The following PRR5 variants were observed in gnomAD, a reference collection of about 807,000 sequenced individuals.
The protein encoded by PRR5 is proline-rich protein 5.
A neutral mutation model predicts 30.6 loss-of-function variants in PRR5; 25 were observed. That is an observed-to-expected ratio of 0.82 (90% CI 0.60 to 1.14). The LOEUF (loss-of-function observed/expected upper bound fraction) is 1.14, where lower values mean the gene tolerates loss of function less well. Among genes scored for constraint, PRR5 ranks in the 50% most tolerant of loss-of-function variants. PRR5 has a pLI of 0.00. For synonymous variants in PRR5, 286 were observed against 247.1 expected (o/e 1.16, Z -1.48); for missense variants, 600 against 547.1 (o/e 1.10, Z -0.96).
intron 1 of PRR5, among the ~76,000 whole-genome samples, chr22:44,687,894 C>A (rs1278390067): frequency 6.6e-6 from 1 of 151,994 alleles, no homozygotes; most frequent in Non-Finnish European, 1.5e-5. Flanking sequence ...CCTGTCTCAG[C>A]CCCCCGAGTA....
chr22:44,730,162 G>A lies in PRR5; in HGVS notation c.323-1568G>A, dbSNP rs1024920677. 6.1e-6 allele frequency: 6 copies of A among 985,212 alleles called. No individual in the cohort carries two copies. The African/African-American group carries it at 1.0e-4, about 17-fold the overall frequency. 61.0% of individuals were successfully genotyped at this position (985,212 alleles called of 1,614,324 possible). A position where few individuals can be genotyped will look rare whatever the true frequency, so the allele number is the denominator to read the frequency against. ...ACCTACATGAAGCTGGGGGCTTCCG[G>A]GAGTGGGGGCAGGGCCCAGAGAGTG... On this transcript the variant is annotated intron_variant, in intron 4 of 7. Coordinates refer to ENST00000336985, the MANE Select transcript of PRR5 (RefSeq NM_181333.4).
intron 1 of PRR5, among the ~76,000 whole-genome samples, chr22:44,670,667 G>A (rs954641847): frequency 2.6e-5 from 4 of 152,260 alleles, no homozygotes; most frequent in Admixed American, 2.0e-4. Flanking sequence ...AGGGAAAGCA[G>A]CCTGTGCAGA....
chr22:44,689,573 C>A (rs1209346703), intron 1 of PRR5, among the ~76,000 whole-genome samples: 1 of 152,182 alleles, frequency 6.6e-6, no homozygotes, highest in South Asian at 2.1e-4. Flanking sequence ...CATTGGATTG[C>A]GCACCATGGA....
chr22:44,737,136 C>A lies in PRR5; in HGVS notation c.1056C>A (p.Ile352=). 1 of 1,612,688 alleles carries A rather than the reference C, an allele frequency of 6.2e-7. No individual in the cohort carries two copies. Among genetic ancestry groups the A allele is most frequent in the Admixed American group, 1.7e-5 (1 of 60,032 alleles). ...RSSPENLVDQ[I]LESVDSDSEG... is the part of the protein sequence containing the mutation. ...GCCCGGAGAACCTGGTGGACCAGAT[C>A]CTGGAGTCCGTGGACTCGGATTCTG... The change falls in exon 8 of 8, where the codon ATC becomes ATA. Residue 352 remains isoleucine (I), a synonymous_variant. Transcript: ENST00000336985.
intron 1 of PRR5, among the ~76,000 whole-genome samples, chr22:44,688,844 C>T (rs1416752714): frequency 9.9e-5 from 15 of 152,016 alleles, no homozygotes; most frequent in South Asian, 4.1e-4. Context: ...AAAAATTAGC[C>T]GGGCATGGTG....
intron 1 of PRR5, among the ~76,000 whole-genome samples, chr22:44,682,920 A>G (rs1157137212): frequency 6.6e-6 from 1 of 152,252 alleles, no homozygotes; most frequent in Non-Finnish European, 1.5e-5. Flanking sequence ...GGGCAGGGCT[A>G]CAGAGAAGAC....
chr22:44,732,996 GCA>G (rs1350350745), intron 6 of PRR5, among the ~76,000 whole-genome samples: 19 of 141,186 alleles, frequency 1.3e-4, no homozygotes, highest in South Asian at 4.8e-4. Context: ...ACATGTGCGC[GCA>G]CACATACTAC....
In PRR5 at chr22:44,717,900, A is replaced by G. The variant is rs572638001; in HGVS notation, c.215+3229A>G. ...CCGGCTAATTTTGTATTTTTAGTAGAGACGGGGTTTGTCCATGTTGGTCAG... is the reference window on the plus strand; with the variant it reads ...CCGGCTAATTTTGTATTTTTAGTAGGGACGGGGTTTGTCCATGTTGGTCAG... On this transcript the variant is annotated intron_variant, in intron 2 of 7. Transcript: ENST00000336985. Among the ~76,000 whole-genome samples the G allele has an allele frequency of 1.7e-4, 26 of 151,828 alleles. No homozygotes were observed. In the South Asian group the frequency reaches 1.9e-3, roughly 11 times the overall value.
In PRR5 at chr22:44,731,856, GC is replaced by G. The variant is rs773775615; in HGVS notation, c.414+39del. On this transcript the variant is annotated intron_variant, in intron 5 of 7. Coordinates refer to ENST00000336985, the MANE Select transcript of PRR5 (RefSeq NM_181333.4). ...CCAGCCCTGGGGAGGGAAGCCCAGTGCCCCTGCTGTGCCCACCCTGGCCTCA... is the reference window on the plus strand; with the variant it reads ...CCAGCCCTGGGGAGGGAAGCCCAGTGCCCTGCTGTGCCCACCCTGGCCTCA... 3.1e-6 allele frequency: 5 copies of G among 1,597,416 alleles called. No individual in the cohort carries two copies. The East Asian group carries it at 1.1e-4, about 36-fold the overall frequency.
At chr22:44,730,211 C>A (rs1921691716) in intron 4 of PRR5, 5 of 985,358 alleles carry the variant, frequency 5.1e-6, no homozygotes, top group South Asian at 9.4e-5. Flanking sequence ...GGTCCCTGTT[C>A]AGCCTCCGCA....
At chr22:44,727,960 A>G (rs529478075) in intron 4 of PRR5, among the ~76,000 whole-genome samples, 1 of 152,346 alleles carries the variant, frequency 6.6e-6, no homozygotes, top group South Asian at 2.1e-4. Flanking sequence ...TTGGCACCTG[A>G]CGAAGATGGC....
chr22:44,699,039 A>C (rs1926018947), upstream of PRR5, among the ~76,000 whole-genome samples: 1 of 152,050 alleles, frequency 6.6e-6, no homozygotes, highest in African/African-American at 2.4e-5. Flanking sequence ...GTGTAGACAG[A>C]TTTTACACAT....
upstream of PRR5, among the ~76,000 whole-genome samples, chr22:44,674,698 G>A (rs889614198): frequency 3.3e-5 from 5 of 151,422 alleles, no homozygotes; most frequent in East Asian, 3.9e-4. Flanking sequence ...CAGCCTGGGC[G>A]ACAGAGAGAG....
chr22:44,687,560 T>A (rs1037655455), intron 1 of PRR5, among the ~76,000 whole-genome samples: 2 of 152,162 alleles, frequency 1.3e-5, no homozygotes, highest in African/African-American at 4.8e-5. Context: ...CATCTCTTAT[T>A]GTCAGTGGGT....
upstream of PRR5, among the ~76,000 whole-genome samples, chr22:44,701,070 T>C (rs1926231851): frequency 6.6e-6 from 1 of 152,064 alleles, no homozygotes; most frequent in South Asian, 2.1e-4. Context: ...TTAATAGAGA[T>C]GGGGTTTCTC....
chr22:44,696,044 C>G (rs1176591258), intron 1 of PRR5, among the ~76,000 whole-genome samples: 1 of 150,792 alleles, frequency 6.6e-6, no homozygotes, highest in East Asian at 2.0e-4. Context: ...CTGCCTCAGC[C>G]TCCTGAGTAG....
At chr22:44,711,676 G>C (rs1205524302) in intron 1 of PRR5, among the ~76,000 whole-genome samples, 1 of 152,200 alleles carries the variant, frequency 6.6e-6, no homozygotes, top group Non-Finnish European at 1.5e-5. Context: ...GGGTCCAGCA[G>C]TGGCTCCACC....
At chr22:44,708,693 G>A (rs1004177655) in intron 1 of PRR5, among the ~76,000 whole-genome samples, 5 of 152,058 alleles carry the variant, frequency 3.3e-5, no homozygotes, top group African/African-American at 4.8e-5. Flanking sequence ...GAGGCCAAAC[G>A]CCGTAGCTCA....
intron 2 of PRR5, among the ~76,000 whole-genome samples, chr22:44,722,396 C>T (rs548471648): frequency 6.6e-6 from 1 of 152,342 alleles, no homozygotes; most frequent in East Asian, 1.9e-4. Context: ...GTATTTTGCC[C>T]TGTGCTTCCG....
Sources: gnomAD v4.1 joint callset for allele counts (sites outside exome capture counted in the v4.1 genomes callset) on GRCh38, gnomAD v4.1.1 for gene constraint, MANE v1.5 for transcripts, NCBI Gene and HGNC (gene_info 2026-07-23, HGNC 2026-07-21) for gene names.